TBC1D32: variants seen among roughly 807,000 people sequenced by gnomAD.
The protein encoded by TBC1D32 is TBC1 domain family member 32.
Under a neutral mutation model 170.3 loss-of-function variants are expected in TBC1D32, and 151 were observed. The ratio of observed to expected loss-of-function variants is 0.89; its 90% CI spans 0.78 to 1.01. The LOEUF (loss-of-function observed/expected upper bound fraction) is 1.01, where lower values mean the gene tolerates loss of function less well. TBC1D32 is among the 50% of genes least tolerant of loss of function. The pLI is 0.00. For missense variants in TBC1D32, 1,464 were observed against 1,457.1 expected (o/e 1.00, Z -0.08); for synonymous variants, 498 against 488.0 (o/e 1.02, Z -0.27).
At chr6:121,262,697 G>A (rs199974568) in intron 15 of TBC1D32, among the ~76,000 whole-genome samples, 2 of 151,966 alleles carry the variant, frequency 1.3e-5, no homozygotes, top group African/African-American at 4.8e-5. Flanking sequence ...GGCTGGTCTC[G>A]AACTCCTGAC....
chr6:121,142,530 T>A (rs1291190557), intron 24 of TBC1D32, among the ~76,000 whole-genome samples: 2 of 152,174 alleles, frequency 1.3e-5, no homozygotes, highest in African/African-American at 4.8e-5. Flanking sequence ...TTATAGGTCA[T>A]CCTGAATAAA....
chr6:121,230,609 G>A (rs2128339895), intron 20 of TBC1D32, among the ~76,000 whole-genome samples: 1 of 150,642 alleles, frequency 6.6e-6, no homozygotes, highest in African/African-American at 2.4e-5. Context: ...CTTTTTTACT[G>A]GTAAATGTTA....
intron 22 of TBC1D32, among the ~76,000 whole-genome samples, chr6:121,189,664 G>T (rs17083268): frequency 0.024 from 3,662 of 152,078 alleles, 164 homozygotes; most frequent in East Asian, 0.12. Flanking sequence ...TGCATAGCAT[G>T]TCAGCATTAC....
At chr6:121,239,278 G>A in intron 19 of TBC1D32, 90 bp from the exon 20 acceptor site, 1 of 697,748 alleles carries the variant, frequency 1.4e-6, no homozygotes, top group Non-Finnish European at 2.4e-6. Flanking sequence ...GATGAATCTG[G>A]TCTACTCTGA....
At chr6:121,188,346 A>T (rs1301980797) in intron 22 of TBC1D32, among the ~76,000 whole-genome samples, 1 of 152,126 alleles carries the variant, frequency 6.6e-6, no homozygotes, top group African/African-American at 2.4e-5. Flanking sequence ...GTAATTATTA[A>T]CTCCAAGGAA....
At chr6:121,217,769 C>T (rs886515328) in intron 21 of TBC1D32, among the ~76,000 whole-genome samples, 5 of 151,988 alleles carry the variant, frequency 3.3e-5, no homozygotes, top group African/African-American at 9.7e-5. Context: ...TATAACAATC[C>T]TACACATGTA....
At chr6:121,170,179 G>A (rs187437788) in intron 22 of TBC1D32, among the ~76,000 whole-genome samples, 162 of 150,888 alleles carry the variant, frequency 1.1e-3, no homozygotes, top group African/African-American at 3.4e-3. Context: ...ACACACACAC[G>A]ACAAAAGCAA....
chr6:121,179,422 A>T (rs1788226316), intron 22 of TBC1D32, among the ~76,000 whole-genome samples: 1 of 151,768 alleles, frequency 6.6e-6, no homozygotes, highest in Non-Finnish European at 1.5e-5. Flanking sequence ...AAGCATTACC[A>T]TGGAAGAAGA....
intron 22 of TBC1D32, among the ~76,000 whole-genome samples, chr6:121,172,427 G>C (rs1312262263): frequency 6.6e-6 from 1 of 152,122 alleles, no homozygotes; most frequent in Non-Finnish European, 1.5e-5. Flanking sequence ...AGATCCATTA[G>C]GGTGTCTCCT....
chr6:121,108,885 C>T (rs1373621993), intron 29 of TBC1D32, among the ~76,000 whole-genome samples: 3 of 152,068 alleles, frequency 2.0e-5, no homozygotes, highest in Admixed American at 1.3e-4. Flanking sequence ...GGATGTGCCA[C>T]GCTTTACAGC....
chr6:121,159,900 A>C (rs1210792834), intron 24 of TBC1D32, 110 bp downstream of exon 24: 1 of 720,928 alleles, frequency 1.4e-6, no homozygotes, highest in Non-Finnish European at 2.3e-6. Flanking sequence ...AAATGCACAC[A>C]TGTATACATG....
chr6:121,247,599 T>G (rs376835612), intron 17 of TBC1D32, among the ~76,000 whole-genome samples: 14 of 147,738 alleles, frequency 9.5e-5, no homozygotes, highest in Non-Finnish European at 3.0e-5. Context: ...TCACATAAAC[T>G]TGAGGTAAAG....
At chr6:121,334,121 TA>T (rs1257253569) in intron 1 of TBC1D32, among the ~76,000 whole-genome samples, 154 bp downstream of exon 1, 3 of 152,212 alleles carry the variant, frequency 2.0e-5, no homozygotes, top group Non-Finnish European at 4.4e-5. Flanking sequence ...GAATAAATGT[TA>T]AATAAATTCG....
At chr6:121,333,225 A>T (rs191285723) in intron 1 of TBC1D32, among the ~76,000 whole-genome samples, 33 of 152,198 alleles carry the variant, frequency 2.2e-4, no homozygotes, top group Admixed American at 2.1e-3. Context: ...ACACTGGGTT[A>T]AAAACATTAG....
intron 15 of TBC1D32, among the ~76,000 whole-genome samples, chr6:121,264,926 A>G (rs918705820): frequency 2.0e-5 from 3 of 152,204 alleles, no homozygotes; most frequent in Non-Finnish European, 4.4e-5. Context: ...AAATAATAAG[A>G]GCTATTTATG....
intron 15 of TBC1D32, among the ~76,000 whole-genome samples, chr6:121,259,526 T>C (rs1799494455): frequency 6.6e-6 from 1 of 152,156 alleles, no homozygotes; most frequent in African/African-American, 2.4e-5. Flanking sequence ...AGACTGAACA[T>C]ATACATTCAC....
chr6:121,215,744 G>A (rs1023308540), intron 21 of TBC1D32, among the ~76,000 whole-genome samples: 10 of 151,808 alleles, frequency 6.6e-5, no homozygotes, highest in East Asian at 1.9e-4. Context: ...AGAAGCATAC[G>A]AAAAAAGCAC....
chr6:121,130,747 A>G (rs781286532), intron 25 of TBC1D32, among the ~76,000 whole-genome samples: 2 of 152,122 alleles, frequency 1.3e-5, no homozygotes, highest in East Asian at 1.9e-4. Context: ...TTTGTTGTGC[A>G]AATTAAGAGT....
chr6:121,177,611 C>A lies in TBC1D32; in HGVS notation c.2571-16555G>T, dbSNP rs141498781. 2.4e-3 allele frequency among the ~76,000 whole-genome samples: 372 copies of A among 152,274 alleles called. 1 individual carries two copies. Among genetic ancestry groups the A allele is most frequent in the Non-Finnish European group, 4.6e-3 (310 of 68,014 alleles). On this transcript the variant is annotated intron_variant, in intron 22 of 31. Transcript: ENST00000398212. ...ACAGCAGGCAACCATAGATTGCCTA[C>A]ATTGGTGGCTGAGATAGTGACACCT... is the stretch of plus-strand genomic sequence containing the variant.
Sources: gnomAD v4.1 joint callset for allele counts (sites outside exome capture counted in the v4.1 genomes callset) on GRCh38, gnomAD v4.1.1 for gene constraint, MANE v1.5 for transcripts, NCBI Gene and HGNC (gene_info 2026-07-23, HGNC 2026-07-21) for gene names.